Variants in DNM3 observed in about 807,000 individuals in gnomAD.
DNM3 encodes dynamin-3.
A neutral mutation model predicts 101.6 loss-of-function variants in DNM3; 47 were observed. That is an observed-to-expected ratio of 0.46 (90% CI 0.37 to 0.59). The LOEUF is 0.59. DNM3 is among the 20% of genes least tolerant of loss of function. The pLI is 0.00. For missense variants in DNM3, 849 were observed against 1,085.7 expected (o/e 0.78, Z 3.06); for synonymous variants, 385 against 387.9 (o/e 0.99, Z 0.09).
intron 9 of DNM3, among the ~76,000 whole-genome samples, chr1:172,045,934 A>T (rs938535231): frequency 1.3e-5 from 2 of 152,196 alleles, no homozygotes; most frequent in African/African-American, 4.8e-5. Context: ...TTGTTGTTTT[A>T]AAATTTAGAC....
chr1:172,290,358 T>C (rs2063859008), intron 15 of DNM3, among the ~76,000 whole-genome samples: 1 of 152,146 alleles, frequency 6.6e-6, no homozygotes, highest in African/African-American at 2.4e-5. Context: ...GGATTATCAA[T>C]GTGAATGAGA....
intron 15 of DNM3, among the ~76,000 whole-genome samples, chr1:172,298,243 CCT>C (rs1290599173): frequency 1.3e-5 from 2 of 152,108 alleles, no homozygotes; most frequent in Non-Finnish European, 2.9e-5. Flanking sequence ...TCATTCTTTC[CCT>C]CTCTGACTGT....
At chr1:172,043,999 C>G (rs1353838886) in intron 8 of DNM3, among the ~76,000 whole-genome samples, 2 of 152,170 alleles carry the variant, frequency 1.3e-5, no homozygotes, top group African/African-American at 4.8e-5. Context: ...AATTTCAGGA[C>G]ATCTGTACTG....
chr1:171,855,594 T>G (rs759301854), intron 1 of DNM3, among the ~76,000 whole-genome samples: 43 of 152,198 alleles, frequency 2.8e-4, no homozygotes, highest in Non-Finnish European at 5.7e-4. Flanking sequence ...GATGGTATCT[T>G]CATTGTGGTT....
At chr1:171,943,169 A>C (rs1222546460) in intron 2 of DNM3, among the ~76,000 whole-genome samples, 1 of 152,194 alleles carries the variant, frequency 6.6e-6, no homozygotes, top group Non-Finnish European at 1.5e-5. Context: ...GCAAAGCCCT[A>C]AGGTGGACAC....
At chr1:172,323,623 G>T (rs1301462654) in intron 17 of DNM3, among the ~76,000 whole-genome samples, 3 of 152,194 alleles carry the variant, frequency 2.0e-5, no homozygotes, top group Admixed American at 6.5e-5. Flanking sequence ...TAAAAGAAAA[G>T]ATTTTGAAGA....
intron 1 of DNM3, among the ~76,000 whole-genome samples, chr1:171,891,406 A>G (rs2037272374): frequency 6.6e-6 from 1 of 151,736 alleles, no homozygotes; most frequent in South Asian, 2.1e-4. Flanking sequence ...TTGTTTTTGC[A>G]TTTATTAATA....
chr1:172,052,613 A>T (rs1005673401), intron 10 of DNM3, among the ~76,000 whole-genome samples: 16 of 152,152 alleles, frequency 1.1e-4, no homozygotes, highest in Non-Finnish European at 5.9e-5. Context: ...AGCCTAAAGG[A>T]CGCTCTTATT....
intron 1 of DNM3, among the ~76,000 whole-genome samples, chr1:171,912,487 C>T (rs1016558591): frequency 3.9e-5 from 6 of 152,114 alleles, no homozygotes; most frequent in African/African-American, 1.4e-4. Context: ...TTCCAGTGAC[C>T]TATAATGTCA....
At chr1:172,363,707 A>C (rs1267897897) in intron 17 of DNM3, among the ~76,000 whole-genome samples, 2 of 151,840 alleles carry the variant, frequency 1.3e-5, no homozygotes, top group East Asian at 1.9e-4. Context: ...TTTCAAGCCC[A>C]CCACATGTCA....
At chr1:172,200,943 C>CA (rs1442665361) in intron 14 of DNM3, among the ~76,000 whole-genome samples, 1 of 152,086 alleles carries the variant, frequency 6.6e-6, no homozygotes, top group African/African-American at 2.4e-5. Flanking sequence ...GGCACTCTGG[C>CA]CATTTTAGTT....
At chr1:172,136,950 G>T (rs543197918) in intron 14 of DNM3, 1 of 152,126 alleles carries the variant, frequency 6.6e-6, no homozygotes, top group South Asian at 2.1e-4. Context: ...AACAAAAAAG[G>T]TGTTAACTTT....
intron 16 of DNM3, 45 bp from the exon 17 acceptor site, chr1:172,323,284 T>C (rs1455481760): frequency 6.5e-7 from 1 of 1,541,644 alleles, no homozygotes; most frequent in African/African-American, 1.4e-5. Context: ...AATAAATTTC[T>C]GTTTAACATA....
rs143503550 is a variant in DNM3, at chr1:172,170,670, G to GT, written c.1659+39389dup. ...TTTATGAATGGCATATCACAATGCT[G>GT]TTTTTTTGTTTGCTTTGTTTTTCTG... On this transcript the variant is annotated intron_variant, in intron 14 of 20. Coordinates refer to ENST00000627582, the MANE Select transcript of DNM3 (RefSeq NM_015569.5). Among the ~76,000 whole-genome samples the GT allele has an allele frequency of 9.7e-3, 1,466 of 151,806 alleles. 24 individuals carry two copies. Among genetic ancestry groups the GT allele is most frequent in the African/African-American group, 0.034 (1,399 of 41,486 alleles).
intron 12 of DNM3, among the ~76,000 whole-genome samples, chr1:172,082,785 C>T (rs2053253184): frequency 6.6e-6 from 1 of 152,202 alleles, no homozygotes; most frequent in African/African-American, 2.4e-5. Flanking sequence ...CTAAACTAAA[C>T]AGTGGCCTGA....
chr1:171,985,186 A>G (rs1489819413), intron 2 of DNM3, among the ~76,000 whole-genome samples: 2 of 152,210 alleles, frequency 1.3e-5, no homozygotes, highest in South Asian at 2.1e-4. Flanking sequence ...TGTGATAGCC[A>G]TAAGTCTTGA....
chr1:171,952,742 G>A (rs1295327172), intron 2 of DNM3, among the ~76,000 whole-genome samples: 1 of 152,176 alleles, frequency 6.6e-6, no homozygotes, highest in Non-Finnish European at 1.5e-5. Flanking sequence ...CTATTTTGAA[G>A]AGAGTTATTT....
chr1:172,366,828 A>G (rs2068044723), intron 17 of DNM3, among the ~76,000 whole-genome samples: 1 of 151,852 alleles, frequency 6.6e-6, no homozygotes, highest in Admixed American at 6.6e-5. Context: ...ACCCAGTCAG[A>G]AAAAAAGAAA....
intron 15 of DNM3, among the ~76,000 whole-genome samples, chr1:172,256,430 G>C (rs1411780635): frequency 6.6e-6 from 1 of 151,960 alleles, no homozygotes; most frequent in Non-Finnish European, 1.5e-5. Flanking sequence ...GGATCCATTT[G>C]AATAATTGTA....
Sources: allele counts gnomAD v4.1 joint callset (sites outside exome capture counted in the v4.1 genomes callset), GRCh38; gene constraint gnomAD v4.1.1; transcripts MANE v1.5; gene names NCBI Gene and HGNC (gene_info 2026-07-23, HGNC 2026-07-21).